Variants in SFMBT2 observed in about 807,000 individuals in gnomAD.
SFMBT2 encodes the protein scm-like with four MBT domains protein 2.
SFMBT2 carries 38 observed loss-of-function variants against 110.1 expected under a neutral mutation model. The observed-to-expected ratio is 0.35, with a 90% CI of 0.27 to 0.45. The LOEUF (loss-of-function observed/expected upper bound fraction) is 0.45. Among genes scored for constraint, SFMBT2 ranks in the 20% least tolerant of loss-of-function variants. The pLI is 1.00. For synonymous variants in SFMBT2, 425 were observed against 425.4 expected (o/e 1.00, Z 0.01); for missense variants, 1,011 against 1,094.9 (o/e 0.92, Z 1.08).
chr10:7,244,243 C>T (rs112634347), intron 8 of SFMBT2: 3 of 243,798 alleles, frequency 1.2e-5, no homozygotes, highest in East Asian at 1.8e-4. Context: ...ACAACAACCC[C>T]CAATGCCATG....
intron 4 of SFMBT2, among the ~76,000 whole-genome samples, chr10:7,358,705 T>TGGAATGGCGGCATGGTGGCC (rs1564456949): frequency 7.2e-6 from 1 of 139,268 alleles, no homozygotes; most frequent in Non-Finnish European, 1.6e-5. Flanking sequence ...GCATGGTGGC[T>TGGAATGGCGGCATGGTGGCC]CTGGAATGAA....
At position 7,305,184 on chromosome 10, in the gene SFMBT2, G is replaced by A. The variant is rs192822755; in HGVS notation, c.437-19230C>T. ...TGAATCTCAAAAATAAACCTTCAAG[G>A]ATCAACCTACAATTAGGGAGGCGAC... is the stretch of plus-strand genomic sequence containing the variant. On this transcript the variant is annotated intron_variant, in intron 4 of 20. Transcript: ENST00000397167. Among the ~76,000 whole-genome samples the A allele has an allele frequency of 1.2e-4, 18 of 152,248 alleles. No homozygotes were observed. In the East Asian group the frequency reaches 3.3e-3, roughly 28 times the overall value.
chr10:7,377,960 T>A (rs1447669817), intron 2 of SFMBT2, among the ~76,000 whole-genome samples: 1 of 42,184 alleles, frequency 2.4e-5, no homozygotes, highest in Non-Finnish European at 4.7e-5. Flanking sequence ...AAATTTTGTG[T>A]GGGGGGGGGT....
intron 4 of SFMBT2, among the ~76,000 whole-genome samples, chr10:7,289,005 A>C (rs997514708): frequency 9.2e-5 from 14 of 152,108 alleles, no homozygotes; most frequent in Non-Finnish European, 1.2e-4. Context: ...AAAAAAAAAA[A>C]AAAACTAGAA....
intron 4 of SFMBT2, among the ~76,000 whole-genome samples, chr10:7,330,988 A>G (rs895747099): frequency 5.9e-5 from 9 of 152,232 alleles, no homozygotes; most frequent in African/African-American, 1.9e-4. Flanking sequence ...AGGTCAGGAC[A>G]CCTTGATGCA....
intron 4 of SFMBT2, among the ~76,000 whole-genome samples, chr10:7,333,804 C>A (rs1195368919): frequency 5.9e-5 from 9 of 151,836 alleles, no homozygotes; most frequent in Admixed American, 5.9e-4. Context: ...CTCTCCCCCA[C>A]TCCCGCTTTC....
chr10:7,272,113 C>G lies in SFMBT2; in HGVS notation c.870+4779G>C, dbSNP rs116439868. ...GGAGCGAGTGAAAAATCTCCCCAGG[C>G]TCAGCATGTCCAGGAAGGATGTGGC... On this transcript the variant is annotated intron_variant, in intron 7 of 20. Coordinates refer to ENST00000397167, the MANE Select transcript of SFMBT2 (RefSeq NM_001387889.1). Among the ~76,000 whole-genome samples, 609 of 152,268 alleles carry G rather than the reference C, an allele frequency of 4.0e-3. 4 individuals are homozygous for G. The highest frequency in any genetic ancestry group is 0.013 in the African/African-American group (559 of 41,550).
At chr10:7,309,059 C>T (rs1354254672) in intron 4 of SFMBT2, among the ~76,000 whole-genome samples, 1 of 152,158 alleles carries the variant, frequency 6.6e-6, no homozygotes. Context: ...TTTGGCCAAA[C>T]ATTATTCTGG....
chr10:7,232,230 C>T (rs1038267254), intron 9 of SFMBT2, among the ~76,000 whole-genome samples: 8 of 152,178 alleles, frequency 5.3e-5, no homozygotes, highest in Non-Finnish European at 1.0e-4. Flanking sequence ...AACTAATTGA[C>T]ATAAAACAGC....
At chr10:7,218,847 C>T (rs1655013425) in intron 11 of SFMBT2, among the ~76,000 whole-genome samples, 1 of 152,210 alleles carries the variant, frequency 6.6e-6, no homozygotes, top group South Asian at 2.1e-4. Context: ...GAATTGAACC[C>T]CAGGCAGATC....
chr10:7,229,815 G>T (rs933245008), intron 9 of SFMBT2, among the ~76,000 whole-genome samples: 1 of 150,958 alleles, frequency 6.6e-6, no homozygotes, highest in Non-Finnish European at 1.5e-5. Context: ...GTGCCTCCTG[G>T]GTTCAAGCAA....
chr10:7,268,747 G>A (rs1186281936), intron 7 of SFMBT2, among the ~76,000 whole-genome samples: 1 of 152,184 alleles, frequency 6.6e-6, no homozygotes, highest in Non-Finnish European at 1.5e-5. Flanking sequence ...CTGACCTCAG[G>A]TGATTCACCC....
chr10:7,392,052 C>G (rs548398378), intron 1 of SFMBT2, among the ~76,000 whole-genome samples: 177 of 152,280 alleles, frequency 1.2e-3, no homozygotes, highest in Non-Finnish European at 2.3e-3. Context: ...TCTGATGTCT[C>G]CTTAATGTAG....
Position 7,160,753 on chromosome 10 carries a change from G to A in SFMBT2, c.*3017C>T, listed in dbSNP as rs2031644415. 1 of 152,220 alleles carries A rather than the reference G, an allele frequency of 6.6e-6. No individual in the cohort carries two copies. Among genetic ancestry groups the A allele is most frequent in the African/African-American group, 2.4e-5 (1 of 41,450 alleles). The allele number at this position is 152,220 out of a possible 1,614,324, so 9.4% of individuals were successfully genotyped here. On this transcript the variant is annotated 3_prime_UTR_variant, in exon 21 of 21. Coordinates refer to ENST00000397167, the MANE Select transcript of SFMBT2 (RefSeq NM_001387889.1). ...GGCCCTACCTTTAAGACAGACGCTG[G>A]TGAGAGGTGAATCCTACAGAGAAAT...
chr10:7,257,647 G>A (rs780753487), intron 7 of SFMBT2, among the ~76,000 whole-genome samples: 3 of 152,218 alleles, frequency 2.0e-5, no homozygotes, highest in Non-Finnish European at 4.4e-5. Context: ...CATGTCTGCT[G>A]GGCCTGCCTG....
chr10:7,277,190 C>A (rs1022064959), intron 6 of SFMBT2, among the ~76,000 whole-genome samples: 1 of 152,178 alleles, frequency 6.6e-6, no homozygotes, highest in African/African-American at 2.4e-5. Context: ...ATTCTGCTGT[C>A]AGAAATGAAG....
intron 2 of SFMBT2, among the ~76,000 whole-genome samples, chr10:7,376,628 G>A (rs1159654139): frequency 1.4e-5 from 2 of 141,262 alleles, no homozygotes; most frequent in East Asian, 4.5e-4. Flanking sequence ...GAACCCGAGA[G>A]GAGGAGCTTA....
intron 7 of SFMBT2, among the ~76,000 whole-genome samples, chr10:7,253,012 C>T (rs898038566): frequency 7.2e-5 from 11 of 152,162 alleles, no homozygotes; most frequent in African/African-American, 1.2e-4. Context: ...TTTAATCAAT[C>T]GTGCCTACAT....
chr10:7,206,759 G>C (rs1839149467), intron 11 of SFMBT2: 1 of 734,756 alleles, frequency 1.4e-6, no homozygotes. Flanking sequence ...GCTATGGAGA[G>C]AATAAATTTG....
Sources: gnomAD v4.1 joint callset for allele counts (sites outside exome capture counted in the v4.1 genomes callset) on GRCh38, gnomAD v4.1.1 for gene constraint, MANE v1.5 for transcripts, NCBI Gene and HGNC (gene_info 2026-07-23, HGNC 2026-07-21) for gene names.